The following SLC4A8 variants were observed in gnomAD, a reference collection of about 807,000 sequenced individuals.
The protein encoded by SLC4A8 is electroneutral sodium bicarbonate exchanger 1.
SLC4A8 carries 40 observed loss-of-function variants against 125.0 expected under a neutral mutation model. That is an observed-to-expected ratio of 0.32 (90% CI 0.25 to 0.42). The LOEUF is 0.42. Ranked by LOEUF, SLC4A8 falls within the 10% of genes least tolerant of loss-of-function variation. The probability of loss-of-function intolerance (pLI) is 1.00; values close to 1 mark genes in which losing one functional copy is unlikely to be tolerated. For missense variants in SLC4A8, 863 were observed against 1,355.1 expected (o/e 0.64, Z 5.70); for synonymous variants, 456 against 476.0 (o/e 0.96, Z 0.55).
upstream of SLC4A8, among the ~76,000 whole-genome samples, chr12:51,420,741 G>A (rs191669097): frequency 3.3e-5 from 5 of 152,338 alleles, no homozygotes; most frequent in Admixed American, 1.3e-4. Flanking sequence ...AAGAAAGAGT[G>A]GAGCCTATGA....
chr12:51,455,374 A>G (rs959686746), intron 5 of SLC4A8, among the ~76,000 whole-genome samples: 4 of 152,148 alleles, frequency 2.6e-5, no homozygotes, highest in African/African-American at 9.7e-5. Flanking sequence ...AAAAAGTGCA[A>G]CGACAGAGAC....
chr12:51,476,405 C>A (rs1397475947), intron 16 of SLC4A8, among the ~76,000 whole-genome samples: 5 of 151,970 alleles, frequency 3.3e-5, no homozygotes, highest in African/African-American at 1.2e-4. Context: ...CAATTGAACC[C>A]AGAAGGTGGA....
chr12:51,396,323 C>T (rs1005718053), intron 1 of SLC4A8, among the ~76,000 whole-genome samples: 14 of 152,114 alleles, frequency 9.2e-5, no homozygotes, highest in African/African-American at 3.1e-4. Flanking sequence ...TCATGTCTGT[C>T]TCATCCAGAC....
intron 1 of SLC4A8, among the ~76,000 whole-genome samples, chr12:51,432,716 T>C (rs1949236021): frequency 6.6e-6 from 1 of 152,074 alleles, no homozygotes; most frequent in Non-Finnish European, 1.5e-5. Flanking sequence ...AGCGAGACTC[T>C]GTCTCAAAAC....
intron 11 of SLC4A8, among the ~76,000 whole-genome samples, chr12:51,467,884 A>G (rs573579814): frequency 1.3e-5 from 2 of 152,234 alleles, no homozygotes; most frequent in Non-Finnish European, 2.9e-5. Context: ...AAAAATTATC[A>G]TGCCATTATC....
chr12:51,426,925 CTTTT>C (rs946525080), intron 1 of SLC4A8, among the ~76,000 whole-genome samples: 1 of 142,528 alleles, frequency 7.0e-6, no homozygotes, highest in Non-Finnish European at 1.5e-5. Context: ...AACAGATTTT[CTTTT>C]TTTTTTCTTT....
intron 16 of SLC4A8, among the ~76,000 whole-genome samples, chr12:51,484,210 G>A (rs1050886972): frequency 6.6e-6 from 1 of 152,102 alleles, no homozygotes; most frequent in Non-Finnish European, 1.5e-5. Flanking sequence ...AGTCACGGGA[G>A]GTACATATTA....
intron 9 of SLC4A8, 33 bp downstream of exon 9, chr12:51,461,324 C>T: frequency 1.7e-6 from 2 of 1,204,488 alleles, no homozygotes; most frequent in East Asian, 2.3e-5. Context: ...TCTTCCATCT[C>T]ATAAATATTT....
chr12:51,433,851 G>GTTTTT (rs869249897), intron 1 of SLC4A8, among the ~76,000 whole-genome samples: 11 of 65,148 alleles, frequency 1.7e-4, no homozygotes, highest in Admixed American at 4.8e-4. Context: ...CACACCATCT[G>GTTTTT]TTTTTTTTTT....
At chr12:51,424,687 G>C, upstream of SLC4A8, 1 of 430,040 alleles carries the variant, frequency 2.3e-6, no homozygotes, top group South Asian at 3.6e-5. Context: ...CGGTTTCCAA[G>C]GCAACCGGGC....
Position 51,515,643 on chromosome 12 carries a change from C to T in SLC4A8, c.*8205C>T, listed in dbSNP as rs955576753. 5 of 152,164 alleles carry T rather than the reference C, an allele frequency of 3.3e-5. No homozygotes were observed. The highest frequency in any genetic ancestry group is 7.3e-5 in the Non-Finnish European group (5 of 68,038). 9.4% of individuals were successfully genotyped at this position (152,164 alleles called of 1,614,324 possible). A position where few individuals can be genotyped will look rare whatever the true frequency, so the allele number is the denominator to read the frequency against. The stretch of plus-strand genomic sequence containing the variant: ...ACCCCTTTCCCTCACCACCGAGTCT[C>T]GTGGTCTGTGTCTGTGAACCAGGGC... On this transcript the variant is annotated 3_prime_UTR_variant, in exon 25 of 25. Coordinates refer to ENST00000453097, the MANE Select transcript of SLC4A8 (RefSeq NM_001039960.3).
chr12:51,495,109 C>T lies in SLC4A8; in HGVS notation c.2934C>T (p.Phe978=). The change falls in exon 21 of 25, where the codon TTC becomes TTT. Residue 978 remains phenylalanine (F), a synonymous_variant. Transcript: ENST00000453097. ...AGGCATCTCCAGCTGCCATTGTTTT[C>T]CCAATGATGGTGAGGTGGTTTTTAA... The part of the protein sequence containing the change: ...VIKASPAAIV[F]PMMVLALVFV... 3 of 1,608,884 alleles carry T rather than the reference C, an allele frequency of 1.9e-6. No individual in the cohort carries two copies. Among genetic ancestry groups the T allele is most frequent in the Non-Finnish European group, 2.5e-6 (3 of 1,177,638 alleles).
In SLC4A8 at chr12:51,508,214, C is replaced by T. The variant is rs919920537; in HGVS notation, c.*776C>T. ...AACAGTAAGTGAGGATGAGCAGTGT[C>T]TCTTGGTTTTCATTGAGGATAGAGT... On this transcript the variant is annotated 3_prime_UTR_variant, in exon 25 of 25. Coordinates refer to ENST00000453097, the MANE Select transcript of SLC4A8 (RefSeq NM_001039960.3). The T allele has an allele frequency of 6.6e-6, 1 of 152,200 alleles. No homozygotes were observed. Among genetic ancestry groups the T allele is most frequent in the Non-Finnish European group, 1.5e-5 (1 of 68,044 alleles). The allele number at this position is 152,200 out of a possible 1,614,324, so 9.4% of individuals were successfully genotyped here. A position where few individuals can be genotyped will look rare whatever the true frequency, so the allele number is the denominator to read the frequency against.
intron 2 of SLC4A8, among the ~76,000 whole-genome samples, chr12:51,446,157 C>G (rs998748829): frequency 2.6e-5 from 4 of 152,172 alleles, no homozygotes; most frequent in Non-Finnish European, 5.9e-5. Context: ...CCTCCTCTGG[C>G]TCTATATTTC....
intron 22 of SLC4A8, among the ~76,000 whole-genome samples, chr12:51,499,356 A>G (rs1937738012): frequency 6.6e-6 from 1 of 151,304 alleles, no homozygotes; most frequent in African/African-American, 2.4e-5. Flanking sequence ...CCCCCCACAC[A>G]CGTGAAAAAG....
At chr12:51,499,678 G>C (rs991972042) in intron 22 of SLC4A8, among the ~76,000 whole-genome samples, 7 of 147,706 alleles carry the variant, frequency 4.7e-5, no homozygotes, top group Non-Finnish European at 1.1e-4. Context: ...TTTAGGTAGT[G>C]ATATGTTTTA....
At chr12:51,432,194 G>A (rs1213105285) in intron 1 of SLC4A8, among the ~76,000 whole-genome samples, 3 of 151,882 alleles carry the variant, frequency 2.0e-5, no homozygotes, top group African/African-American at 7.3e-5. Flanking sequence ...GGATCACAAG[G>A]TCAGGAGATC....
Position 51,474,405 on chromosome 12 carries a change from C to T in SLC4A8, c.1968C>T (p.Asn656=), listed in dbSNP as rs1471772624. 1 of 1,613,686 alleles carries T rather than the reference C, an allele frequency of 6.2e-7. No individual in the cohort carries two copies. Among genetic ancestry groups the T allele is most frequent in the South Asian group, 1.1e-5 (1 of 91,024 alleles). ...CCCTCCAGTACTGGAAGGACCACAACATCGTGACAGCAGAAGTCCACTGGG... is the reference window on the plus strand; with the variant it reads ...CCCTCCAGTACTGGAAGGACCACAATATCGTGACAGCAGAAGTCCACTGGG... The part of the protein sequence containing the change: ...NHTLQYWKDH[N]IVTAEVHWAN... The change falls in exon 15 of 25, where the codon AAC becomes AAT. Residue 656 remains asparagine, a synonymous_variant. Transcript: ENST00000453097.
At chr12:51,473,519 A>G (rs1409091448) in intron 14 of SLC4A8, among the ~76,000 whole-genome samples, 1 of 152,182 alleles carries the variant, frequency 6.6e-6, no homozygotes, top group Non-Finnish European at 1.5e-5. Flanking sequence ...TCTTCCTATT[A>G]TTCTAACCTG....
Sources: allele counts gnomAD v4.1 joint callset (sites outside exome capture counted in the v4.1 genomes callset), GRCh38; gene constraint gnomAD v4.1.1; transcripts MANE v1.5; gene names NCBI Gene and HGNC (gene_info 2026-07-23, HGNC 2026-07-21).